The following TTC13 variants were observed in gnomAD, a reference collection of about 807,000 sequenced individuals.
The protein encoded by TTC13 is tetratricopeptide repeat protein 13.
In TTC13, 62 loss-of-function variants were observed where a neutral mutation model predicts 120.0. That is an observed-to-expected ratio of 0.52 (90% CI 0.42 to 0.64). The LOEUF (loss-of-function observed/expected upper bound fraction) is 0.64. TTC13 is among the 30% of genes least tolerant of loss of function. The pLI, the probability that TTC13 is intolerant of heterozygous loss-of-function variation, is 0.00. For synonymous variants in TTC13, 384 were observed against 393.5 expected, an observed-to-expected ratio of 0.98 and a Z score of 0.28; for missense variants, 824 against 1,050.2, an observed-to-expected ratio of 0.78 and a Z score of 2.98.
Position 230,915,777 on chromosome 1 carries a change from TTCTC to T in TTC13, c.2093+412_2093+415del, listed in dbSNP as rs146519721. Among the ~76,000 whole-genome samples the T allele has an allele frequency of 1.6e-3, 242 of 150,754 alleles. 1 individual carries two copies. Among genetic ancestry groups the T allele is most frequent in the African/African-American group, 5.4e-3 (220 of 40,980 alleles). On this transcript the variant is annotated intron_variant, in intron 18 of 22. Transcript: ENST00000366661. ...CTACTCATTAATTATTAAAGCTGTT[TTCTC>T]TCTCTCTCTCTCTCTCTATATATAT...
intron 2 of TTC13, among the ~76,000 whole-genome samples, chr1:230,958,759 GGTAGGAAGATCACT>G (rs1676345365): frequency 1.3e-5 from 2 of 152,196 alleles, no homozygotes; most frequent in African/African-American, 4.8e-5. Flanking sequence ...GGGAGACCAA[GGTAGGAAGATCACT>G]TGAGCTCCGG....
At chr1:230,931,157 A>T (rs926278161) in intron 11 of TTC13, 141 bp downstream of exon 11, 1 of 705,248 alleles carries the variant, frequency 1.4e-6, no homozygotes. Flanking sequence ...CGACACTAGC[A>T]CTGACAAGGT....
At chr1:230,969,637 C>A (rs1389447761) in intron 1 of TTC13, among the ~76,000 whole-genome samples, 2 of 152,144 alleles carry the variant, frequency 1.3e-5, no homozygotes, top group Non-Finnish European at 2.9e-5. Context: ...AGTTTGAAGG[C>A]AATGTAACAG....
intron 8 of TTC13, among the ~76,000 whole-genome samples, chr1:230,938,906 T>G (rs1674312702): frequency 6.6e-6 from 1 of 152,166 alleles, no homozygotes; most frequent in Admixed American, 6.5e-5. Flanking sequence ...CATACCCAAC[T>G]ACTTCCCACT....
intron 14 of TTC13, among the ~76,000 whole-genome samples, chr1:230,924,506 G>C (rs1672882619): frequency 6.6e-6 from 1 of 152,174 alleles, no homozygotes; most frequent in South Asian, 2.1e-4. Flanking sequence ...CTAATTTTTT[G>C]TATTTTTAGC....
intron 14 of TTC13, 71 bp from the exon 15 acceptor site, chr1:230,924,004 T>C (rs1672822662): frequency 8.1e-7 from 1 of 1,239,834 alleles, no homozygotes; most frequent in Non-Finnish European, 1.2e-6. Flanking sequence ...TAGAAGTGTT[T>C]GCAAAGGTGG....
At chr1:230,909,587 G>A (rs113861767) in intron 20 of TTC13, among the ~76,000 whole-genome samples, 7 of 152,294 alleles carry the variant, frequency 4.6e-5, no homozygotes, top group African/African-American at 9.6e-5. Context: ...AGCCGAGATC[G>A]CTCCACCGCA....
Position 230,913,245 on chromosome 1 carries a change from T to C in TTC13, c.2094-487A>G, listed in dbSNP as rs555499317. On this transcript the variant is annotated intron_variant, in intron 18 of 22. Coordinates refer to ENST00000366661, the MANE Select transcript of TTC13 (RefSeq NM_024525.5). Reference sequence around the variant, plus strand: ...GGTTCTGTGGAGGATATAAGTTTGATACAACAGGCATTTTTTGTATAACGC... The same window carrying C: ...GGTTCTGTGGAGGATATAAGTTTGACACAACAGGCATTTTTTGTATAACGC... 2.0e-5 allele frequency among the ~76,000 whole-genome samples: 3 copies of C among 152,338 alleles called. 1 individual carries two copies. The South Asian group carries it at 6.2e-4, about 32-fold the overall frequency.
intron 17 of TTC13, among the ~76,000 whole-genome samples, chr1:230,918,455 C>T (rs911471551): frequency 6.6e-6 from 1 of 152,182 alleles, no homozygotes; most frequent in Non-Finnish European, 1.5e-5. Flanking sequence ...CTGAGATACA[C>T]TGTGTGGACA....
intron 22 of TTC13, among the ~76,000 whole-genome samples, chr1:230,907,674 A>G (rs537644290): frequency 9.8e-5 from 15 of 152,360 alleles, no homozygotes; most frequent in African/African-American, 3.6e-4. Context: ...TAAATTACAA[A>G]TTGAGCAATG....
chr1:230,970,929 A>G (rs1314236351), intron 1 of TTC13, among the ~76,000 whole-genome samples: 2 of 152,250 alleles, frequency 1.3e-5, no homozygotes, highest in African/African-American at 4.8e-5. Flanking sequence ...AACCCCAGGT[A>G]TAGGGTAAAC....
chr1:230,933,050 G>A (rs914164667), intron 9 of TTC13, among the ~76,000 whole-genome samples: 1 of 152,066 alleles, frequency 6.6e-6, no homozygotes, highest in South Asian at 2.1e-4. Context: ...TTGGCTCACC[G>A]CAACCTCTGA....
chr1:230,955,967 A>G (rs138250376), intron 3 of TTC13, among the ~76,000 whole-genome samples: 13 of 152,314 alleles, frequency 8.5e-5, no homozygotes, highest in African/African-American at 3.1e-4. Context: ...TGGAGGCAGT[A>G]ATATTAGTAG....
intron 1 of TTC13, among the ~76,000 whole-genome samples, chr1:230,975,714 G>A (rs949737937): frequency 6.6e-6 from 1 of 152,056 alleles, no homozygotes; most frequent in Non-Finnish European, 1.5e-5. Flanking sequence ...AAAATGTGGA[G>A]TAGAAAATAT....
intron 1 of TTC13, among the ~76,000 whole-genome samples, chr1:230,974,614 C>T (rs1364492172): frequency 6.6e-6 from 1 of 152,144 alleles, no homozygotes; most frequent in Non-Finnish European, 1.5e-5. Context: ...GATGTTTGCA[C>T]CATGATGAAA....
At chr1:230,949,560 T>G (rs1458715394) in intron 4 of TTC13, among the ~76,000 whole-genome samples, 1 of 151,072 alleles carries the variant, frequency 6.6e-6, no homozygotes, top group Non-Finnish European at 1.5e-5. Context: ...CACCCCATGG[T>G]CTCATCATTA....
chr1:230,963,778 A>G (rs1676876661), intron 1 of TTC13, among the ~76,000 whole-genome samples: 1 of 152,206 alleles, frequency 6.6e-6, no homozygotes, highest in Non-Finnish European at 1.5e-5. Context: ...AAGGAAATGC[A>G]AAGGGCAGCG....
At chr1:230,922,631 C>T (rs1045651366) in intron 15 of TTC13, among the ~76,000 whole-genome samples, 5 of 152,206 alleles carry the variant, frequency 3.3e-5, no homozygotes, top group African/African-American at 1.2e-4. Flanking sequence ...AGTTTCCTGA[C>T]CATACCTAAC....
At chr1:230,938,832 T>C (rs985467157) in intron 8 of TTC13, among the ~76,000 whole-genome samples, 1 of 152,210 alleles carries the variant, frequency 6.6e-6, no homozygotes, top group Admixed American at 6.5e-5. Context: ...TCAAAATGCT[T>C]AGCACAGTAC....
Sources: gnomAD v4.1 joint callset for allele counts (sites outside exome capture counted in the v4.1 genomes callset) on GRCh38, gnomAD v4.1.1 for gene constraint, MANE v1.5 for transcripts, NCBI Gene and HGNC (gene_info 2026-07-23, HGNC 2026-07-21) for gene names.